AAMDC: variants seen among roughly 807,000 people sequenced by gnomAD.
The protein encoded by AAMDC is mth938 domain-containing protein.
AAMDC carries 16 observed loss-of-function variants against 15.5 expected under a neutral mutation model. The observed-to-expected ratio is 1.03, with a 90% CI of 0.70 to 1.57. The LOEUF is 1.57. Among genes scored for constraint, AAMDC ranks in the 40% most tolerant of loss-of-function variants. The probability of loss-of-function intolerance (pLI) is 0.00; values close to 1 mark genes in which losing one functional copy is unlikely to be tolerated. For missense variants in AAMDC, 141 were observed against 144.9 expected, an observed-to-expected ratio of 0.97 and a Z score of 0.14; for synonymous variants, 51 against 51.6, an observed-to-expected ratio of 0.99 and a Z score of 0.05.
intron 2 of AAMDC, among the ~76,000 whole-genome samples, chr11:77,845,265 G>A (rs1950095093): frequency 6.6e-6 from 1 of 152,056 alleles, no homozygotes; most frequent in Non-Finnish European, 1.5e-5. Flanking sequence ...ACAGGTCTCT[G>A]AGTCTATATT....
At chr11:77,870,154 T>G (rs1225661831) in intron 3 of AAMDC, 1 of 153,774 alleles carries the variant, frequency 6.5e-6, no homozygotes. Context: ...CATTTATAGT[T>G]TTCCCCTCTT....
chr11:77,905,034 G>C (rs1952901982), downstream of AAMDC, among the ~76,000 whole-genome samples: 1 of 152,174 alleles, frequency 6.6e-6, no homozygotes, highest in Admixed American at 6.5e-5. Context: ...TACACATTGA[G>C]GGTGTGTCTA....
Position 77,862,368 on chromosome 11 carries a change from T to C in AAMDC, c.133-7354T>C, listed in dbSNP as rs576898788. 3.3e-5 allele frequency among the ~76,000 whole-genome samples: 5 copies of C among 152,346 alleles called. No individual in the cohort carries two copies. In the South Asian group the frequency reaches 1.0e-3, roughly 32 times the overall value. On this transcript the variant is annotated intron_variant, in intron 2 of 3. Coordinates refer to ENST00000393427, the MANE Select transcript of AAMDC (RefSeq NM_024684.4). Reference sequence around the variant, plus strand: ...GATCAGAGGATTGTCCTAACCCTTGTAAAACATCAATATAGCCATCAGGGT... The same window carrying C: ...GATCAGAGGATTGTCCTAACCCTTGCAAAACATCAATATAGCCATCAGGGT...
intron 1 of AAMDC, among the ~76,000 whole-genome samples, chr11:77,833,076 T>C (rs1183733422): frequency 7.1e-6 from 1 of 140,572 alleles, no homozygotes; most frequent in Admixed American, 7.6e-5. Flanking sequence ...CAATGGCAGA[T>C]CTCATATCAG....
chr11:77,891,559 T>C, intron 5 of AAMDC: 2 of 1,554,516 alleles, frequency 1.3e-6, no homozygotes, highest in South Asian at 2.3e-5. Flanking sequence ...TGAGTGGGCA[T>C]GTGGGAGCCA....
chr11:77,835,953 TGGC>T (rs775168372), intron 1 of AAMDC, among the ~76,000 whole-genome samples: 18 of 151,988 alleles, frequency 1.2e-4, no homozygotes, highest in Non-Finnish European at 2.4e-4. Context: ...TGGAGTAGAA[TGGC>T]AAAGTGAATT....
intron 2 of AAMDC, among the ~76,000 whole-genome samples, chr11:77,848,408 G>A (rs951143013): frequency 2.0e-5 from 3 of 152,096 alleles, no homozygotes; most frequent in African/African-American, 7.2e-5. Flanking sequence ...ACCCAGGCTG[G>A]AGTGCAGGGC....
At chr11:77,870,558 T>G (rs977323257) in intron 3 of AAMDC, among the ~76,000 whole-genome samples, 2 of 151,954 alleles carry the variant, frequency 1.3e-5, no homozygotes, top group Non-Finnish European at 2.9e-5. Flanking sequence ...AGGATGGTCT[T>G]GATCTCCTGA....
rs556972759 is a variant in AAMDC, at chr11:77,863,343, G to A, written c.133-6379G>A. On this transcript the variant is annotated intron_variant, in intron 2 of 3. Coordinates refer to ENST00000393427, the MANE Select transcript of AAMDC (RefSeq NM_024684.4). ...AAGTCAGCAGCGGGTCTGTGATGGC[G>A]GCAAAGAGCAGTGGTGGACGGTGAG... is the stretch of plus-strand genomic sequence containing the variant. Among the ~76,000 whole-genome samples, 96 of 152,262 alleles carry A rather than the reference G, an allele frequency of 6.3e-4. No individual in the cohort carries two copies. The East Asian group carries it at 0.01, about 16-fold the overall frequency.
intron 5 of AAMDC, chr11:77,891,447 C>A (rs760091310): frequency 6.2e-7 from 1 of 1,613,794 alleles, no homozygotes; most frequent in Non-Finnish European, 8.5e-7. Context: ...ATGATGGTGG[C>A]TGAGGCTTTG....
intron 2 of AAMDC, among the ~76,000 whole-genome samples, chr11:77,864,672 T>C (rs1951030393): frequency 1.3e-5 from 2 of 152,162 alleles, no homozygotes; most frequent in African/African-American, 2.4e-5. Context: ...CCAGGGCATA[T>C]GTTCCTTGAA....
intron 2 of AAMDC, among the ~76,000 whole-genome samples, chr11:77,860,398 G>C (rs1277349155): frequency 6.6e-6 from 1 of 152,222 alleles, no homozygotes; most frequent in Non-Finnish European, 1.5e-5. Flanking sequence ...TGTGGGCTGG[G>C]TACATTCCTC....
chr11:77,894,546 G>A (rs1263140030), intron 5 of AAMDC, among the ~76,000 whole-genome samples: 1 of 152,146 alleles, frequency 6.6e-6, no homozygotes, highest in African/African-American at 2.4e-5. Flanking sequence ...TTAAACCACT[G>A]CAGTGCCCAT....
intron 3 of AAMDC, among the ~76,000 whole-genome samples, chr11:77,871,627 T>C (rs1470511332): frequency 6.6e-6 from 1 of 152,212 alleles, no homozygotes; most frequent in African/African-American, 2.4e-5. Flanking sequence ...AGTACTATTA[T>C]ACCTATTTTA....
intron 1 of AAMDC, among the ~76,000 whole-genome samples, chr11:77,840,537 A>G (rs1395984168): frequency 1.3e-5 from 2 of 152,208 alleles, no homozygotes; most frequent in African/African-American, 2.4e-5. Context: ...TCAAAAGAAA[A>G]AAAAGTGTTT....
At chr11:77,881,911 GTTT>G (rs951135442) in intron 5 of AAMDC, among the ~76,000 whole-genome samples, 1 of 144,990 alleles carries the variant, frequency 6.9e-6, no homozygotes. Context: ...GTTTCTGATG[GTTT>G]TTTTTTTTTT....
intron 2 of AAMDC, among the ~76,000 whole-genome samples, chr11:77,848,043 G>A (rs929647433): frequency 1.9e-4 from 29 of 152,166 alleles, no homozygotes; most frequent in Non-Finnish European, 3.4e-4. Flanking sequence ...ACATAGGGGA[G>A]GGTAGTCTAC....
At chr11:77,891,603 G>C in intron 5 of AAMDC, 1 of 1,580,596 alleles carries the variant, frequency 6.3e-7, no homozygotes, top group South Asian at 1.2e-5. Flanking sequence ...CTGCTCCACT[G>C]GTCAAAGAAG....
chr11:77,900,665 G>A, exon 6 of AAMDC: 1 of 691,192 alleles, frequency 1.4e-6, no homozygotes, highest in South Asian at 1.5e-5. Flanking sequence ...TTCTTAAGAT[G>A]CACCTTTATT....
Sources: allele counts gnomAD v4.1 joint callset (sites outside exome capture counted in the v4.1 genomes callset), GRCh38; gene constraint gnomAD v4.1.1; transcripts MANE v1.5; gene names NCBI Gene and HGNC (gene_info 2026-07-23, HGNC 2026-07-21).